The following SLC24A2 variants were observed in gnomAD, a reference collection of about 807,000 sequenced individuals.
SLC24A2 encodes solute carrier family 24 member 2.
SLC24A2 carries 36 observed loss-of-function variants against 62.0 expected under a neutral mutation model. The ratio of observed to expected loss-of-function variants is 0.58; its 90% CI spans 0.44 to 0.77. The LOEUF (loss-of-function observed/expected upper bound fraction) is 0.77. Among genes scored for constraint, SLC24A2 ranks in the 30% least tolerant of loss-of-function variants. SLC24A2 has a pLI of 0.00. For synonymous variants in SLC24A2, 358 were observed against 294.0 expected (o/e 1.22, Z -2.23); for missense variants, 846 against 817.9 (o/e 1.03, Z -0.42).
At chr9:20,202,986 A>G in the SLC24A2 span, among the ~76,000 whole-genome samples, 1 of 152,226 alleles carries the variant, frequency 6.6e-6, no homozygotes, top group Non-Finnish European at 1.5e-5. Context: ...ATCCCACCAG[A>G]GTTAGATTTC....
At chr9:19,820,021 A>G in the SLC24A2 span, among the ~76,000 whole-genome samples, 1 of 60,008 alleles carries the variant, frequency 1.7e-5, no homozygotes, top group Non-Finnish European at 4.4e-5. Context: ...ATATATATAT[A>G]TATACACATA....
At chr9:20,059,126 G>C in the SLC24A2 span, among the ~76,000 whole-genome samples, 2 of 152,268 alleles carry the variant, frequency 1.3e-5, no homozygotes, top group African/African-American at 4.8e-5. Context: ...CCCTTAAAAG[G>C]TAAAAAGGGA....
At chr9:19,772,504 AG>A (rs1213747691) in intron 2 of SLC24A2, among the ~76,000 whole-genome samples, 19 of 152,238 alleles carry the variant, frequency 1.2e-4, no homozygotes, top group African/African-American at 4.3e-4. Context: ...AGAATAGATA[AG>A]GAACTCTGAA....
At chr9:20,256,783 T>C in the SLC24A2 span, among the ~76,000 whole-genome samples, 1 of 152,140 alleles carries the variant, frequency 6.6e-6, no homozygotes, top group East Asian at 1.9e-4. Context: ...CCTCTGGAGG[T>C]AATGAGTTGC....
upstream of SLC24A2, among the ~76,000 whole-genome samples, chr9:19,790,274 A>G (rs1377735429): frequency 6.6e-6 from 1 of 152,152 alleles, no homozygotes; most frequent in Non-Finnish European, 1.5e-5. Context: ...AACATATACA[A>G]ATGTAAGAAA....
At chr9:19,665,622 T>C (rs938902253) in intron 2 of SLC24A2, among the ~76,000 whole-genome samples, 9 of 152,022 alleles carry the variant, frequency 5.9e-5, no homozygotes, top group Non-Finnish European at 1.2e-4. Context: ...GGTTTCAGTT[T>C]CCTTATTTGT....
At chr9:19,551,233 T>C (rs1834827848) in intron 7 of SLC24A2, among the ~76,000 whole-genome samples, 1 of 152,216 alleles carries the variant, frequency 6.6e-6, no homozygotes, top group Admixed American at 6.5e-5. Flanking sequence ...CAAACATATG[T>C]CTCAGTCCTC....
the SLC24A2 span, among the ~76,000 whole-genome samples, chr9:19,886,539 T>C: frequency 6.6e-6 from 1 of 152,238 alleles, no homozygotes; most frequent in East Asian, 1.9e-4. Context: ...TGGCAATTAT[T>C]AAAAAGTCAA....
chr9:19,972,787 T>A, the SLC24A2 span, among the ~76,000 whole-genome samples: 1 of 152,326 alleles, frequency 6.6e-6, no homozygotes, highest in South Asian at 2.1e-4. Flanking sequence ...GGAAGTACTA[T>A]TCTATACCAT....
the SLC24A2 span, among the ~76,000 whole-genome samples, chr9:20,157,483 C>T: frequency 1.2e-3 from 177 of 151,708 alleles, no homozygotes; most frequent in Non-Finnish European, 2.0e-3. Context: ...AAACCACCCT[C>T]GGAAAGATAA....
At chr9:19,649,888 T>G (rs1178729223) in intron 2 of SLC24A2, among the ~76,000 whole-genome samples, 2 of 152,214 alleles carry the variant, frequency 1.3e-5, no homozygotes, top group Non-Finnish European at 2.9e-5. Context: ...GCAGTATGAA[T>G]TTGTAGTAAT....
the SLC24A2 span, among the ~76,000 whole-genome samples, chr9:19,964,190 A>G: frequency 1.6e-5 from 2 of 123,004 alleles, no homozygotes; most frequent in Non-Finnish European, 3.2e-5. Context: ...GGACACAGGA[A>G]GGGGAACATC....
At chr9:20,005,636 G>A in the SLC24A2 span, among the ~76,000 whole-genome samples, 5 of 151,976 alleles carry the variant, frequency 3.3e-5, no homozygotes, top group Non-Finnish European at 5.9e-5. Flanking sequence ...AGGATGAGGT[G>A]GGGTGGGGTG....
chr9:19,609,766 A>G (rs1837094407), intron 4 of SLC24A2, among the ~76,000 whole-genome samples: 2 of 151,876 alleles, frequency 1.3e-5, no homozygotes, highest in African/African-American at 4.8e-5. Flanking sequence ...GTGGAAGACA[A>G]TTTTTCCATG....
chr9:19,608,364 T>C (rs1205746774), intron 4 of SLC24A2, among the ~76,000 whole-genome samples: 3 of 152,122 alleles, frequency 2.0e-5, no homozygotes, highest in African/African-American at 4.8e-5. Flanking sequence ...CTCTGGTATT[T>C]GGTGAGACAA....
At chr9:19,752,240 G>C (rs1375854904) in intron 2 of SLC24A2, among the ~76,000 whole-genome samples, 3 of 151,882 alleles carry the variant, frequency 2.0e-5, no homozygotes, top group African/African-American at 2.4e-5. Context: ...GATTTTTCTT[G>C]GTAGATAGAA....
the SLC24A2 span, among the ~76,000 whole-genome samples, chr9:19,903,987 T>C: frequency 1.3e-5 from 2 of 152,206 alleles, no homozygotes; most frequent in African/African-American, 4.8e-5. Flanking sequence ...ACCATGGATG[T>C]TAGCAGTAAG....
the SLC24A2 span, among the ~76,000 whole-genome samples, chr9:19,881,115 C>A: frequency 6.6e-6 from 1 of 152,158 alleles, no homozygotes; most frequent in Non-Finnish European, 1.5e-5. Flanking sequence ...GCATATCAAC[C>A]ATTTGTCCTA....
the SLC24A2 span, among the ~76,000 whole-genome samples, chr9:20,238,362 A>C: frequency 6.6e-6 from 1 of 152,206 alleles, no homozygotes; most frequent in Admixed American, 6.5e-5. Context: ...CATAGGCTGA[A>C]AAACCAATTT....
Sources: allele counts gnomAD v4.1 joint callset (sites outside exome capture counted in the v4.1 genomes callset), GRCh38; gene constraint gnomAD v4.1.1; transcripts MANE v1.5; gene names NCBI Gene and HGNC (gene_info 2026-07-23, HGNC 2026-07-21).